The following ZC3H11A variants were observed in gnomAD, a reference collection of about 807,000 sequenced individuals.
ZC3H11A encodes zinc finger CCCH-type containing 11A.
ZC3H11A carries 22 observed loss-of-function variants against 90.8 expected under a neutral mutation model. The ratio of observed to expected loss-of-function variants is 0.24; its 90% CI spans 0.17 to 0.35. The LOEUF (loss-of-function observed/expected upper bound fraction) is 0.35, where lower values mean the gene tolerates loss of function less well. ZC3H11A is among the 10% of genes least tolerant of loss of function. ZC3H11A has a pLI of 1.00. For missense variants in ZC3H11A, 701 were observed against 964.9 expected, an observed-to-expected ratio of 0.73 and a Z score of 3.62; for synonymous variants, 294 against 339.8, an observed-to-expected ratio of 0.87 and a Z score of 1.48.
intron 11 of ZC3H11A, among the ~76,000 whole-genome samples, chr1:203,839,896 C>T (rs1321655101): frequency 2.6e-5 from 4 of 152,062 alleles, no homozygotes; most frequent in Admixed American, 6.5e-5. Flanking sequence ...CTCCACCTCC[C>T]GGGTTCAAAC....
intron 1 of ZC3H11A, chr1:203,797,881 A>G (rs1342274172): frequency 6.5e-7 from 1 of 1,535,998 alleles, no homozygotes; most frequent in Non-Finnish European, 8.7e-7. Context: ...AGCAATATAG[A>G]AAAACAGATC....
intron 13 of ZC3H11A, 27 bp downstream of exon 13, chr1:203,847,714 C>T (rs781270783): frequency 6.3e-7 from 1 of 1,598,156 alleles, no homozygotes; most frequent in South Asian, 1.1e-5. Flanking sequence ...GTCTCTAGTA[C>T]CACGTCCCCA....
chr1:203,805,882 A>C (rs187740553), intron 2 of ZC3H11A: 14 of 769,032 alleles, frequency 1.8e-5, no homozygotes, highest in Admixed American at 3.6e-5. Context: ...CTGGTCTTGT[A>C]AATTCTCAAT....
chr1:203,824,573 A>T (rs1449947441), intron 4 of ZC3H11A, among the ~76,000 whole-genome samples: 5 of 152,200 alleles, frequency 3.3e-5, no homozygotes, highest in African/African-American at 9.7e-5. Context: ...GACATGTGTC[A>T]CATTGGTTCA....
chr1:203,815,456 C>T (rs59366140), intron 2 of ZC3H11A, among the ~76,000 whole-genome samples: 18,776 of 147,810 alleles, frequency 0.13, 1,556 homozygotes, highest in East Asian at 0.29. Flanking sequence ...TGGACTCAAG[C>T]GATCTGCCCA....
chr1:203,840,954 CAACTT>C (rs962665279), intron 12 of ZC3H11A, among the ~76,000 whole-genome samples: 5 of 151,996 alleles, frequency 3.3e-5, no homozygotes, highest in African/African-American at 9.7e-5. Context: ...AAATTAGAAA[CAACTT>C]AAATATACAA....
At chr1:203,822,446 A>G (rs570726295) in intron 4 of ZC3H11A, among the ~76,000 whole-genome samples, 49 of 152,088 alleles carry the variant, frequency 3.2e-4, no homozygotes, top group Non-Finnish European at 6.5e-4. Context: ...CACGATCCCT[A>G]TAATGGATAC....
At chr1:203,844,195 A>T (rs1687267986) in intron 12 of ZC3H11A, among the ~76,000 whole-genome samples, 1 of 138,204 alleles carries the variant, frequency 7.2e-6, no homozygotes, top group Non-Finnish European at 1.5e-5. Flanking sequence ...ACAGAGTCTC[A>T]CTCTCATCCA....
chr1:203,834,170 G>A (rs747371873), intron 10 of ZC3H11A: 11 of 736,758 alleles, frequency 1.5e-5, no homozygotes, highest in Non-Finnish European at 1.9e-5. Flanking sequence ...AAAATGATTG[G>A]TTAATATAAT....
intron 1 of ZC3H11A, chr1:203,798,681 G>A: frequency 6.5e-7 from 1 of 1,536,128 alleles, no homozygotes; most frequent in Non-Finnish European, 8.7e-7. Context: ...TCCCGTTGCA[G>A]AGCAAGGCAC....
intron 9 of ZC3H11A, among the ~76,000 whole-genome samples, chr1:203,833,389 A>AG (rs1683102661): frequency 7.1e-6 from 1 of 140,136 alleles, no homozygotes; most frequent in Non-Finnish European, 1.5e-5. Flanking sequence ...AAAAAACACC[A>AG]GGTGTGGTAG....
At chr1:203,804,242 C>T (rs1571921344) in intron 2 of ZC3H11A, among the ~76,000 whole-genome samples, 1 of 151,330 alleles carries the variant, frequency 6.6e-6, no homozygotes. Context: ...AACTCCGCCT[C>T]CCGGGTTCAC....
intron 14 of ZC3H11A, 144 bp from the exon 15 acceptor site, chr1:203,849,567 C>G: frequency 3.8e-6 from 3 of 790,510 alleles, no homozygotes. Context: ...AGGGTATTGT[C>G]TATTTAACAT....
intron 2 of ZC3H11A, among the ~76,000 whole-genome samples, chr1:203,809,082 G>A (rs1410032173): frequency 4.6e-5 from 7 of 151,522 alleles, no homozygotes; most frequent in South Asian, 4.2e-4. Flanking sequence ...CACCTGTCTC[G>A]GCCTCCCAAA....
intron 10 of ZC3H11A, among the ~76,000 whole-genome samples, chr1:203,837,189 G>A (rs1297780302): frequency 6.6e-6 from 1 of 151,742 alleles, no homozygotes; most frequent in Non-Finnish European, 1.5e-5. Flanking sequence ...TACTTGGGAG[G>A]CTGAGGTGGG....
chr1:203,832,000 C>T (rs920848839), intron 9 of ZC3H11A, among the ~76,000 whole-genome samples: 3 of 152,192 alleles, frequency 2.0e-5, no homozygotes, highest in Non-Finnish European at 4.4e-5. Context: ...TTTATATCCA[C>T]TCAATACATT....
chr1:203,838,972 AAAAG>A (rs1558133942), intron 11 of ZC3H11A, among the ~76,000 whole-genome samples: 5 of 151,344 alleles, frequency 3.3e-5, no homozygotes, highest in Admixed American at 6.6e-5. Context: ...AAAAAAAAAA[AAAAG>A]AAAGAAAGAA....
chr1:203,839,573 C>T (rs1479034433), intron 11 of ZC3H11A, among the ~76,000 whole-genome samples: 1 of 152,106 alleles, frequency 6.6e-6, no homozygotes, highest in Non-Finnish European at 1.5e-5. Context: ...TGGAGGTTTT[C>T]TTGCATTCTC....
Position 203,849,911 on chromosome 1 carries a change from G to A in ZC3H11A, c.1824G>A (p.Leu608=), listed in dbSNP as rs1688853748. 6 of 1,613,994 alleles carry A rather than the reference G, an allele frequency of 3.7e-6. No homozygotes were observed. In the East Asian group the frequency reaches 1.3e-4, roughly 36 times the overall value. Residue 608 remains leucine, a synonymous_variant, in exon 15 of 18, where the codon CTG becomes CTA. Coordinates refer to ENST00000367210, the MANE Select transcript of ZC3H11A (RefSeq NM_001376342.1). Reference sequence around the variant, plus strand: ...CTGTGCCAGGAATCACACGGCACCTGACCAAGCGGCTTCCCACAAAGTCAT... The same window carrying A: ...CTGTGCCAGGAATCACACGGCACCTAACCAAGCGGCTTCCCACAAAGTCAT... ...LTAVPGITRH[L]TKRLPTKSSQ... is the part of the protein sequence containing the mutation.
Sources: allele counts gnomAD v4.1 joint callset (sites outside exome capture counted in the v4.1 genomes callset), GRCh38; gene constraint gnomAD v4.1.1; transcripts MANE v1.5; gene names NCBI Gene and HGNC (gene_info 2026-07-23, HGNC 2026-07-21).